Variants in ELP4 observed in about 807,000 individuals in gnomAD.
ELP4 encodes the protein elongator complex protein 4.
Under a neutral mutation model 48.9 loss-of-function variants are expected in ELP4, and 51 were observed. That is an observed-to-expected ratio of 1.04 (90% CI 0.83 to 1.32). The LOEUF (loss-of-function observed/expected upper bound fraction) is 1.32, where lower values mean the gene tolerates loss of function less well. ELP4 is among the 40% of genes most tolerant of loss of function. The pLI, the probability that ELP4 is intolerant of heterozygous loss-of-function variation, is 0.00. For missense variants in ELP4, 519 were observed against 514.6 expected (o/e 1.01, Z -0.08); for synonymous variants, 210 against 189.2 (o/e 1.11, Z -0.90).
At chr11:31,703,396 A>G (rs1213255660) in intron 9 of ELP4, among the ~76,000 whole-genome samples, 2 of 152,160 alleles carry the variant, frequency 1.3e-5, no homozygotes, top group East Asian at 3.9e-4. Context: ...TGCTAGTTTT[A>G]AGCAATTATA....
chr11:31,734,564 G>C lies in ELP4; in HGVS notation c.1144-48829G>C, dbSNP rs532232500. Among the ~76,000 whole-genome samples, 113 of 152,238 alleles carry C rather than the reference G, an allele frequency of 7.4e-4. 2 individuals are homozygous for C. The South Asian group carries it at 0.023, about 30-fold the overall frequency. ...AACTTAGTTGTGTTTCTGTACACTA[G>C]CACTAAACAGTCAAAAGGAAAATTA... On this transcript the variant is annotated intron_variant, in intron 9 of 9. Transcript: ENST00000640961.
In ELP4 at chr11:31,710,772, G is replaced by A. The variant is rs190627204; in HGVS notation, c.1143+60551G>A. Among the ~76,000 whole-genome samples the A allele has an allele frequency of 3.9e-3, 589 of 152,256 alleles. 4 individuals are homozygous for A. The highest frequency in any genetic ancestry group is 0.014 in the African/African-American group (562 of 41,544). ...ATACGGATGAGAAGAATAAGACACAGAGAGCGACATAATCAGTATTACAAT... is the reference window on the plus strand; with the variant it reads ...ATACGGATGAGAAGAATAAGACACAAAGAGCGACATAATCAGTATTACAAT... On this transcript the variant is annotated intron_variant, in intron 9 of 9. Coordinates refer to ENST00000640961, the MANE Select transcript of ELP4 (RefSeq NM_019040.5).
chr11:31,562,728 G>A (rs1454411342), intron 3 of ELP4, among the ~76,000 whole-genome samples: 1 of 152,184 alleles, frequency 6.6e-6, no homozygotes, highest in East Asian at 1.9e-4. Context: ...TTTAGTTGAA[G>A]TATGCGTGGA....
chr11:31,626,099 A>G (rs1280966638), intron 5 of ELP4, among the ~76,000 whole-genome samples: 1 of 151,792 alleles, frequency 6.6e-6, no homozygotes, highest in Non-Finnish European at 1.5e-5. Flanking sequence ...ACAGAGATGT[A>G]CCTCTATGTT....
chr11:31,609,451 T>A (rs1592155928), intron 5 of ELP4, among the ~76,000 whole-genome samples: 1 of 151,728 alleles, frequency 6.6e-6, no homozygotes, highest in East Asian at 1.9e-4. Flanking sequence ...GGAGGTGGGG[T>A]CAACATGGGT....
chr11:31,605,687 T>C (rs978965581), intron 5 of ELP4, among the ~76,000 whole-genome samples: 1 of 152,150 alleles, frequency 6.6e-6, no homozygotes, highest in Non-Finnish European at 1.5e-5. Flanking sequence ...TACAGTGTTA[T>C]TCTTCATTTA....
intron 3 of ELP4, among the ~76,000 whole-genome samples, chr11:31,558,109 C>T (rs534684833): frequency 1.3e-5 from 2 of 151,346 alleles, no homozygotes; most frequent in South Asian, 2.1e-4. Flanking sequence ...TTAGTTGAGC[C>T]GGAAATTTGC....
intron 5 of ELP4, among the ~76,000 whole-genome samples, chr11:31,615,364 A>T (rs12290136): frequency 1.5e-3 from 225 of 152,184 alleles, no homozygotes; most frequent in African/African-American, 5.4e-3. Flanking sequence ...AATAAATGTC[A>T]CTACATCAAA....
intron 5 of ELP4, among the ~76,000 whole-genome samples, chr11:31,606,309 A>G (rs1957873722): frequency 6.6e-6 from 1 of 152,130 alleles, no homozygotes; most frequent in African/African-American, 2.4e-5. Flanking sequence ...TTTCACTAAA[A>G]TGAACTTTAC....
rs369040101 is a variant in ELP4 at position 31,546,659 on chromosome 11, C to T, written c.381+6876C>T. Among the ~76,000 whole-genome samples the T allele has an allele frequency of 5.2e-4, 79 of 152,186 alleles. 1 individual carries two copies. The South Asian group carries it at 0.014, about 28-fold the overall frequency. The stretch of plus-strand genomic sequence containing the variant: ...CCTAATAGACATCTACAGAACTCTC[C>T]ACCCCAAATCAACAGAATATACATT... On this transcript the variant is annotated intron_variant, in intron 3 of 9. Transcript: ENST00000640961.
At chr11:31,527,310 G>T (rs187198965) in intron 2 of ELP4, among the ~76,000 whole-genome samples, 5 of 151,946 alleles carry the variant, frequency 3.3e-5, no homozygotes, top group Admixed American at 3.3e-4. Flanking sequence ...GAATGAACAG[G>T]GAATAAAAAT....
intron 2 of ELP4, among the ~76,000 whole-genome samples, chr11:31,535,207 T>C (rs903053771): frequency 6.6e-6 from 1 of 152,220 alleles, no homozygotes; most frequent in Non-Finnish European, 1.5e-5. Context: ...GGATTTTCTC[T>C]AAGATAATGT....
intron 7 of ELP4, among the ~76,000 whole-genome samples, chr11:31,636,648 T>TC (rs879872805): frequency 2.1e-4 from 32 of 151,972 alleles, no homozygotes; most frequent in Non-Finnish European, 4.0e-4. Context: ...AACTTATTGT[T>TC]ATAATAAGAC....
At chr11:31,741,393 G>C (rs1315884630) in intron 9 of ELP4, among the ~76,000 whole-genome samples, 1 of 152,216 alleles carries the variant, frequency 6.6e-6, no homozygotes, top group African/African-American at 2.4e-5. Context: ...GCTTTGAAGA[G>C]AGCAGTGGTT....
chr11:31,664,568 G>T (rs1394236625), intron 9 of ELP4: 1 of 151,866 alleles, frequency 6.6e-6, no homozygotes. Context: ...TTTAGATTAG[G>T]TTCTTCCACA....
chr11:31,677,256 T>C (rs1444912232), intron 9 of ELP4, among the ~76,000 whole-genome samples: 1 of 152,234 alleles, frequency 6.6e-6, no homozygotes, highest in African/African-American at 2.4e-5. Context: ...TTTGTCTGTT[T>C]TGCAATTATG....
intron 9 of ELP4, among the ~76,000 whole-genome samples, chr11:31,730,788 T>G (rs905670792): frequency 6.6e-6 from 1 of 152,034 alleles, no homozygotes; most frequent in African/African-American, 2.4e-5. Flanking sequence ...ATTCTAGCAT[T>G]TTAGGGGGCT....
chr11:31,559,196 T>C (rs913948917), intron 3 of ELP4, among the ~76,000 whole-genome samples: 1 of 152,180 alleles, frequency 6.6e-6, no homozygotes, highest in African/African-American at 2.4e-5. Flanking sequence ...CCAAAGAAGA[T>C]AGAGCTCTCT....
chr11:31,586,212 C>T (rs1374757603), intron 3 of ELP4, among the ~76,000 whole-genome samples: 1 of 152,030 alleles, frequency 6.6e-6, no homozygotes, highest in African/African-American at 2.4e-5. Flanking sequence ...TTGTTTACTG[C>T]GTGAAGTTTT....
Sources: gnomAD v4.1 joint callset for allele counts (sites outside exome capture counted in the v4.1 genomes callset) on GRCh38, gnomAD v4.1.1 for gene constraint, MANE v1.5 for transcripts, NCBI Gene and HGNC (gene_info 2026-07-23, HGNC 2026-07-21) for gene names.